Variants in ARHGAP21 observed in about 807,000 individuals in gnomAD.
ARHGAP21 encodes the protein rho GTPase-activating protein 21.
ARHGAP21 carries 38 observed loss-of-function variants against 164.6 expected under a neutral mutation model. That is an observed-to-expected ratio of 0.23 (90% confidence interval 0.18 to 0.30). The LOEUF is 0.30. ARHGAP21 is among the 10% of genes least tolerant of loss of function. ARHGAP21 has a pLI of 1.00. For synonymous variants in ARHGAP21, 766 were observed against 857.9 expected (o/e 0.89, Z 1.87); for missense variants, 1,822 against 2,370.7 (o/e 0.77, Z 4.81).
At chr10:24,596,972 A>G (rs1199748476) in intron 16 of ARHGAP21, 90 bp from the exon 17 acceptor site, 5 of 1,382,734 alleles carry the variant, frequency 3.6e-6, no homozygotes, top group Non-Finnish European at 4.8e-6. Flanking sequence ...CAATGTTTAC[A>G]TAAATCCAAG....
intron 2 of ARHGAP21, among the ~76,000 whole-genome samples, chr10:24,702,333 G>C (rs894214875): frequency 1.3e-5 from 2 of 151,534 alleles, no homozygotes; most frequent in African/African-American, 4.8e-5. Flanking sequence ...GGGTTTCACC[G>C]TGTTAGCCAG....
intron 1 of ARHGAP21, 137 bp downstream of exon 1, chr10:24,723,425 C>T (rs2132386769): frequency 6.8e-6 from 1 of 147,252 alleles, no homozygotes; most frequent in East Asian, 2.0e-4. Flanking sequence ...CCGCCGCGGG[C>T]TCCCTCCGGC....
intron 4 of ARHGAP21, among the ~76,000 whole-genome samples, chr10:24,660,038 CACT>C (rs1227807343): frequency 2.0e-5 from 3 of 152,124 alleles, no homozygotes; most frequent in South Asian, 4.1e-4. Context: ...CCACCACCAC[CACT>C]ACCATCATCA....
chr10:24,657,182 C>T (rs1334725236), intron 4 of ARHGAP21, among the ~76,000 whole-genome samples: 2 of 23,640 alleles, frequency 8.5e-5, no homozygotes, highest in African/African-American at 3.7e-4. Context: ...CGCCTCTGCC[C>T]GGCCACCCCT....
chr10:24,621,746 T>C (rs1436602752), intron 8 of ARHGAP21, among the ~76,000 whole-genome samples: 3 of 152,222 alleles, frequency 2.0e-5, no homozygotes, highest in Non-Finnish European at 4.4e-5. Context: ...CAAAGGAAGA[T>C]TCATGTATTT....
intron 2 of ARHGAP21, among the ~76,000 whole-genome samples, chr10:24,703,082 G>C (rs1234397694): frequency 6.6e-6 from 1 of 151,830 alleles, no homozygotes; most frequent in African/African-American, 2.4e-5. Context: ...TCCTAAAATG[G>C]AAAAGTGTAC....
At chr10:24,590,251 G>C (rs2076274511) in intron 24 of ARHGAP21, 2 of 1,484,264 alleles carry the variant, frequency 1.3e-6, no homozygotes, top group Admixed American at 2.2e-5. Flanking sequence ...ACAAGAAACA[G>C]CAGAAAAACT....
intron 24 of ARHGAP21, chr10:24,590,171 A>C (rs2076272367): frequency 7.1e-7 from 1 of 1,405,016 alleles, no homozygotes; most frequent in African/African-American, 1.4e-5. Flanking sequence ...CACATGGCTA[A>C]ATGCTTTATG....
At chr10:24,661,056 C>A (rs567530409) in intron 4 of ARHGAP21, among the ~76,000 whole-genome samples, 1 of 151,804 alleles carries the variant, frequency 6.6e-6, no homozygotes, top group African/African-American at 2.4e-5. Context: ...TACCATCCCA[C>A]TATTCTTATT....
At chr10:24,615,604 C>T (rs188664364) in intron 9 of ARHGAP21, among the ~76,000 whole-genome samples, 17 of 152,278 alleles carry the variant, frequency 1.1e-4, no homozygotes, top group East Asian at 9.6e-4. Context: ...AACAGGCAAT[C>T]GGCTCTGTCA....
intron 4 of ARHGAP21, among the ~76,000 whole-genome samples, chr10:24,661,103 TTTATAA>T (rs1183213361): frequency 2.0e-5 from 3 of 150,472 alleles, no homozygotes; most frequent in African/African-American, 4.9e-5. Context: ...TAAAATATTA[TTTATAA>T]TTATATTACA....
At chr10:24,651,575 C>A (rs1302677972) in intron 4 of ARHGAP21, among the ~76,000 whole-genome samples, 1 of 152,188 alleles carries the variant, frequency 6.6e-6, no homozygotes, top group Non-Finnish European at 1.5e-5. Flanking sequence ...TGCAAAAATT[C>A]TAAATAAAAC....
intron 2 of ARHGAP21, among the ~76,000 whole-genome samples, chr10:24,700,444 A>G (rs980242081): frequency 2.6e-5 from 4 of 152,180 alleles, no homozygotes; most frequent in Non-Finnish European, 1.5e-5. Context: ...GCAAGGCAAA[A>G]CCCTCGGAGT....
chr10:24,682,692 TTCTC>T (rs1191621323), intron 2 of ARHGAP21, among the ~76,000 whole-genome samples: 4 of 152,236 alleles, frequency 2.6e-5, no homozygotes, highest in Admixed American at 2.6e-4. Context: ...AAAGATTTCT[TTCTC>T]TTTTTTTTTT....
chr10:24,620,765 G>A lies in ARHGAP21; in HGVS notation c.1130C>T (p.Ser377Leu), dbSNP rs776725226. 94 of 1,613,984 alleles carry A rather than the reference G, an allele frequency of 5.8e-5. No homozygotes were observed. Among genetic ancestry groups the A allele is most frequent in the Non-Finnish European group, 7.5e-5 (89 of 1,179,988 alleles). Residue 377 changes from serine (S) to leucine (L), a missense_variant, in exon 9 of 26, where the codon TCG (serine) becomes TTG (leucine). This residue lies in a region of ARHGAP21 where 1,090 missense variants were observed against 1,378.9 expected (regional missense o/e 0.79). Transcript: ENST00000396432. ...GTCTATGTGCTGATGGGAATTTGGC[G>A]AATAGTGATTAACAGATACAGAGGG... ...EAPSVSVNHY[S>L]PNSHQHIDWK...
chr10:24,621,435 C>T (rs1834534855), intron 8 of ARHGAP21, 66 bp from the exon 9 acceptor site: 2 of 1,392,600 alleles, frequency 1.4e-6, no homozygotes, highest in South Asian at 1.5e-5. Context: ...TCCATTTTTA[C>T]AGTGCACTAT....
chr10:24,700,303 A>C (rs374938259), intron 2 of ARHGAP21, among the ~76,000 whole-genome samples: 2 of 152,322 alleles, frequency 1.3e-5, no homozygotes, highest in South Asian at 2.1e-4. Context: ...CTTATACACA[A>C]GGTGATGAGT....
Position 24,604,064 on chromosome 10 carries a change from G to C in ARHGAP21, c.2721+248C>G, listed in dbSNP as rs56033043. 6.0e-3 allele frequency among the ~76,000 whole-genome samples: 916 copies of C among 151,868 alleles called. 10 individuals carry two copies. Among genetic ancestry groups the C allele is most frequent in the African/African-American group, 0.021 (853 of 41,376 alleles). On this transcript the variant is annotated intron_variant, in intron 12 of 25. Coordinates refer to ENST00000396432, the MANE Select transcript of ARHGAP21 (RefSeq NM_020824.4). ...AACAGGGGTGGGGTGGGGGGTGTTGGGGGGAAGCCACAAAATAATTTCCAG... is the reference window on the plus strand; with the variant it reads ...AACAGGGGTGGGGTGGGGGGTGTTGCGGGGAAGCCACAAAATAATTTCCAG...
chr10:24,719,831 C>T (rs1417075067), intron 2 of ARHGAP21, among the ~76,000 whole-genome samples: 5 of 152,138 alleles, frequency 3.3e-5, no homozygotes, highest in East Asian at 1.9e-4. Flanking sequence ...GATTAAAACA[C>T]GTCACAACTA....
Sources: gnomAD v4.1 joint callset for allele counts (sites outside exome capture counted in the v4.1 genomes callset) on GRCh38, gnomAD v4.1.1 for gene constraint, gnomAD v4.1.1 regional missense constraint, MANE v1.5 for transcripts, NCBI Gene and HGNC (gene_info 2026-07-23, HGNC 2026-07-21) for gene names.